Variants in ESYT3 observed in about 807,000 individuals in gnomAD.
ESYT3 encodes the protein extended synaptotagmin 3.
ESYT3 carries 101 observed loss-of-function variants against 111.5 expected under a neutral mutation model. That is an observed-to-expected ratio of 0.91 (90% CI 0.77 to 1.07). The LOEUF (loss-of-function observed/expected upper bound fraction) is 1.07, where lower values mean the gene tolerates loss of function less well. ESYT3 is among the 50% of genes least tolerant of loss of function. The probability of loss-of-function intolerance (pLI) is 0.00; values close to 1 mark genes in which losing one functional copy is unlikely to be tolerated. For synonymous variants in ESYT3, 416 were observed against 446.8 expected (o/e 0.93, Z 0.87); for missense variants, 1,097 against 1,109.4 (o/e 0.99, Z 0.16).
intron 8 of ESYT3, 94 bp from the exon 9 acceptor site, chr3:138,464,251 G>A: frequency 1.4e-6 from 2 of 1,420,980 alleles, no homozygotes; most frequent in Non-Finnish European, 1.9e-6. Context: ...GCAATATGGG[G>A]GCAGCAGTGA....
At chr3:138,468,077 C>G (rs752353851) in intron 11 of ESYT3, 28 bp from the exon 12 acceptor site, 1 of 1,611,406 alleles carries the variant, frequency 6.2e-7, no homozygotes, top group Non-Finnish European at 8.5e-7. Flanking sequence ...TGGCCCTTTT[C>G]CCTGAGCTTT....
chr3:138,459,797 C>G, intron 5 of ESYT3, 148 bp from the exon 6 acceptor site: 1 of 651,226 alleles, frequency 1.5e-6, no homozygotes, highest in South Asian at 1.9e-5. Context: ...ACGGTTCCTG[C>G]TGTGAGAGCA....
At chr3:138,480,174 T>G (rs978699893), downstream of ESYT3, 1 of 152,168 alleles carries the variant, frequency 6.6e-6, no homozygotes, top group Non-Finnish European at 1.5e-5. Context: ...CGTCTAAATA[T>G]ATTTGTAATT....
chr3:138,456,063 G>A (rs913927662), intron 3 of ESYT3, among the ~76,000 whole-genome samples: 1 of 152,280 alleles, frequency 6.6e-6, no homozygotes, highest in African/African-American at 2.4e-5. Flanking sequence ...AGGCCAGCCT[G>A]CTGAGAGAGC....
At position 138,435,846 on chromosome 3, in the gene ESYT3, A is replaced by C. The variant is rs1484787099; in HGVS notation, c.327+721A>C. ...CCCATTGCATAACTCCCAGGGTGGC[A>C]CAGAGGTATCCTGGGTGATTCTTAT... is the stretch of plus-strand genomic sequence containing the variant. On this transcript the variant is annotated intron_variant, in intron 1 of 22. Coordinates refer to ENST00000389567, the MANE Select transcript of ESYT3 (RefSeq NM_031913.5). This position sits in a 1 kb window ranked among gnomAD's most constrained non-coding sequence, Gnocchi z 4.8. Among the ~76,000 whole-genome samples, 1 of 152,232 alleles carries C rather than the reference A, an allele frequency of 6.6e-6. No homozygotes were observed. The highest frequency in any genetic ancestry group is 2.4e-5 in the African/African-American group (1 of 41,468).
At position 138,468,708 on chromosome 3, in the gene ESYT3, C is replaced by A. The variant is rs1351242900; in HGVS notation, c.1362C>A (p.Cys454Ter). The change falls in exon 13 of 23, where the codon TGC becomes TGA. Residue 454 changes from cysteine (C) to a stop codon, truncating the protein, a stop_gained. Coordinates refer to ENST00000389567, the MANE Select transcript of ESYT3 (RefSeq NM_031913.5). LOFTEE classifies it high-confidence loss of function. ...TCGTGGTCTTCTTGGAGAGTGCCTG[C>A]AACTTGCCGGTGAGTGGCGACATGT... Reference protein sequence around the residue: ...AILVVFLESACNLPRNPFDYL... With the variant: ...AILVVFLESA The A allele has an allele frequency of 1.2e-6, 2 of 1,614,040 alleles. No homozygotes were observed. Among genetic ancestry groups the A allele is most frequent in the African/African-American group, 2.7e-5 (2 of 74,910 alleles).
In ESYT3 at chr3:138,468,634, AG is replaced by A. The variant is rs749836183; in HGVS notation, c.1309-18del. 6.2e-7 allele frequency: 1 copy of A among 1,613,386 alleles called. No homozygotes were observed. Among genetic ancestry groups the A allele is most frequent in the African/African-American group, 1.3e-5 (1 of 74,816 alleles). On this transcript the variant is annotated intron_variant, in intron 12 of 22. Transcript: ENST00000389567. ...GTCCTGCTGCTGGGAGTACCCAGTGAGGGTCTGTGTCTGTTTGCAGGACCAT... is the reference window on the plus strand; with the variant it reads ...GTCCTGCTGCTGGGAGTACCCAGTGAGGTCTGTGTCTGTTTGCAGGACCAT...
intron 1 of ESYT3, among the ~76,000 whole-genome samples, chr3:138,437,718 A>G (rs964450530): frequency 3.9e-5 from 6 of 152,256 alleles, no homozygotes; most frequent in Admixed American, 2.0e-4. Flanking sequence ...AGGTGATTTC[A>G]GCCAAGATGG....
chr3:138,470,508 GA>G (rs2033164611), intron 16 of ESYT3: 8 of 1,115,748 alleles, frequency 7.2e-6, no homozygotes, highest in Non-Finnish European at 8.8e-6. Context: ...AGTAAGCAAA[GA>G]GAGGCAAAAA....
Position 138,452,060 on chromosome 3 carries a change from G to T in ESYT3, c.340G>T (p.Asp114Tyr). The change falls in exon 2 of 23, where the codon GAC (aspartate) becomes TAC (tyrosine). Residue 114 changes from aspartate to tyrosine, a missense_variant. Physicochemically the swap from Asp to Tyr is radical, Grantham distance 160. Coordinates refer to ENST00000389567, the MANE Select transcript of ESYT3 (RefSeq NM_031913.5). ...GCTTCTTTCCTAGATCCACTTCCCG[G>T]ACGTGGAGCGGGTCGAGTGGGCCAA... The part of the protein sequence containing the change: ...QHLPAWIHFP[D>Y]VERVEWANKI... The T allele has an allele frequency of 6.2e-7, 1 of 1,607,004 alleles. No individual in the cohort carries two copies. Among genetic ancestry groups the T allele is most frequent in the Non-Finnish European group, 8.5e-7 (1 of 1,179,760 alleles).
chr3:138,466,026 A>G (rs1187617332), intron 10 of ESYT3, among the ~76,000 whole-genome samples: 1 of 152,226 alleles, frequency 6.6e-6, no homozygotes, highest in African/African-American at 2.4e-5. Flanking sequence ...GTTTGAATAC[A>G]TTTTCCATTG....
At chr3:138,470,344 T>A in intron 16 of ESYT3, 198 bp downstream of exon 16, 1 of 1,283,836 alleles carries the variant, frequency 7.8e-7, no homozygotes, top group South Asian at 2.0e-5. Flanking sequence ...TAGGGGGATG[T>A]GGGAGGATAA....
At chr3:138,459,551 A>G (rs1370742711) in intron 5 of ESYT3, among the ~76,000 whole-genome samples, 1 of 152,238 alleles carries the variant, frequency 6.6e-6, no homozygotes, top group Non-Finnish European at 1.5e-5. Flanking sequence ...ATGGAAAGCC[A>G]TTGCTTAGAG....
intron 20 of ESYT3, among the ~76,000 whole-genome samples, chr3:138,474,951 A>G (rs1419136549): frequency 6.6e-6 from 1 of 152,246 alleles, no homozygotes; most frequent in African/African-American, 2.4e-5. Context: ...CTTCTGCTTC[A>G]GGGTTCTAAA....
intron 1 of ESYT3, among the ~76,000 whole-genome samples, chr3:138,446,382 T>C (rs1442540136): frequency 6.6e-6 from 1 of 152,210 alleles, no homozygotes; most frequent in African/African-American, 2.4e-5. Flanking sequence ...CTCTCTGAAC[T>C]TTAGTTTCCT....
At chr3:138,448,550 C>T (rs1474887928) in intron 1 of ESYT3, among the ~76,000 whole-genome samples, 2 of 151,808 alleles carry the variant, frequency 1.3e-5, no homozygotes, top group African/African-American at 4.8e-5. Context: ...CTTTGTCTCA[C>T]CTTATGTAAA....
intron 1 of ESYT3, among the ~76,000 whole-genome samples, chr3:138,443,814 C>T (rs1380605363): frequency 1.1e-4 from 16 of 151,580 alleles, no homozygotes; most frequent in Admixed American, 7.2e-4. Flanking sequence ...CAGAATTCAT[C>T]GAATGACAGG....
At chr3:138,473,016 C>T in intron 18 of ESYT3, 157 bp downstream of exon 18, 1 of 1,474,958 alleles carries the variant, frequency 6.8e-7, no homozygotes, top group Non-Finnish European at 8.9e-7. Context: ...GAACACAGGA[C>T]AAGGGAGAGA....
At chr3:138,473,100 T>C in intron 18 of ESYT3, 3 of 1,397,054 alleles carry the variant, frequency 2.1e-6, no homozygotes, top group Non-Finnish European at 2.8e-6. Flanking sequence ...GTTGGTAAGG[T>C]CCCTTCCAGC....
Sources: allele counts gnomAD v4.1 joint callset (sites outside exome capture counted in the v4.1 genomes callset), GRCh38; gene constraint gnomAD v4.1.1; non-coding constraint Gnocchi (gnomAD v3.1); transcripts MANE v1.5; gene names NCBI Gene and HGNC (gene_info 2026-07-23, HGNC 2026-07-21).